The following GABRP variants were observed in gnomAD, a reference collection of about 807,000 sequenced individuals.
The protein encoded by GABRP is gamma-aminobutyric acid type A receptor subunit pi.
A neutral mutation model predicts 47.8 loss-of-function variants in GABRP; 52 were observed. The observed-to-expected ratio is 1.09, with a 90% CI of 0.87 to 1.37. GABRP has a LOEUF of 1.37. GABRP is among the 40% of genes most tolerant of loss of function. The probability of loss-of-function intolerance (pLI) is 0.00; values close to 1 mark genes in which losing one functional copy is unlikely to be tolerated. For synonymous variants in GABRP, 221 were observed against 205.8 expected (o/e 1.07, Z -0.63); for missense variants, 525 against 542.8 (o/e 0.97, Z 0.33).
At chr5:170,811,807 A>C in intron 9 of GABRP, 149 bp from the exon 10 acceptor site, 10 of 691,252 alleles carry the variant, frequency 1.4e-5, no homozygotes, top group East Asian at 2.7e-5. Context: ...AGCCTGGCTT[A>C]TTGGCCAATT....
chr5:170,791,161 T>C (rs545560616), intron 3 of GABRP, among the ~76,000 whole-genome samples: 1 of 152,310 alleles, frequency 6.6e-6, no homozygotes, highest in South Asian at 2.1e-4. Context: ...GCAGGGTCCT[T>C]GGGCAAGGAG....
Position 170,809,666 on chromosome 5 carries a change from G to A in GABRP, c.931G>A (p.Gly311Arg), listed in dbSNP as rs768736367. 5.0e-6 allele frequency: 8 copies of A among 1,614,102 alleles called. 1 individual carries two copies. Among genetic ancestry groups the A allele is most frequent in the Non-Finnish European group, 5.9e-6 (7 of 1,180,002 alleles). ...CATCAAGGCCATCGATGTGTACCTGGGGATCTGCTTTAGCTTTGTGTTTGG... is the reference window on the plus strand; with the variant it reads ...CATCAAGGCCATCGATGTGTACCTGAGGATCTGCTTTAGCTTTGTGTTTGG... ...CFIKAIDVYL[G>R]ICFSFVFGAL... The change falls in exon 9 of 10, where the codon GGG becomes AGG. Residue 311 changes from glycine (G) to arginine (R), a missense_variant. Transcript: ENST00000265294.
chr5:170,785,742 G>A (rs1292509154), intron 1 of GABRP, among the ~76,000 whole-genome samples: 1 of 152,200 alleles, frequency 6.6e-6, no homozygotes, highest in Non-Finnish European at 1.5e-5. Flanking sequence ...CCTATAGGAG[G>A]AGGAGGAAAT....
intron 1 of GABRP, among the ~76,000 whole-genome samples, chr5:170,786,022 C>T (rs911744119): frequency 2.0e-5 from 3 of 152,218 alleles, no homozygotes; most frequent in African/African-American, 7.2e-5. Flanking sequence ...CCAAATATCC[C>T]CTGTCCTCTG....
intron 4 of GABRP, 24 bp downstream of exon 4, chr5:170,794,322 T>C (rs765237198): frequency 1.4e-6 from 2 of 1,458,470 alleles, no homozygotes; most frequent in South Asian, 2.4e-5. Flanking sequence ...CTTTGTACTC[T>C]ACCCAAGTAG....
intron 6 of GABRP, among the ~76,000 whole-genome samples, chr5:170,802,455 C>A (rs966008136): frequency 2.6e-5 from 4 of 152,108 alleles, no homozygotes; most frequent in African/African-American, 9.7e-5. Flanking sequence ...ATTAAAGACC[C>A]AGAAAAACAG....
At chr5:170,805,290 T>C (rs1251221194) in intron 6 of GABRP, among the ~76,000 whole-genome samples, 1 of 152,150 alleles carries the variant, frequency 6.6e-6, no homozygotes, top group Non-Finnish European at 1.5e-5. Context: ...TTTGTTTTTG[T>C]TTTTGCATTT....
At chr5:170,790,337 A>G (rs1448987478) in intron 3 of GABRP, among the ~76,000 whole-genome samples, 1 of 152,062 alleles carries the variant, frequency 6.6e-6, no homozygotes, top group African/African-American at 2.4e-5. Flanking sequence ...ACATCCATCT[A>G]TCTCACAGGG....
chr5:170,784,056 A>T (rs1322711474), intron 1 of GABRP, among the ~76,000 whole-genome samples, 182 bp downstream of exon 1: 1 of 152,198 alleles, frequency 6.6e-6, no homozygotes, highest in African/African-American at 2.4e-5. Context: ...TGCTGTCCTC[A>T]CTACAGCCAC....
chr5:170,789,282 AG>A (rs1765203992), intron 3 of GABRP, 35 bp downstream of exon 3: 7 of 1,392,356 alleles, frequency 5.0e-6, no homozygotes, highest in Non-Finnish European at 7.1e-6. Flanking sequence ...CATCATTCAA[AG>A]GGACGAAAAC....
intron 3 of GABRP, among the ~76,000 whole-genome samples, chr5:170,790,834 G>A (rs115483416): frequency 8.1e-4 from 123 of 152,246 alleles, no homozygotes; most frequent in Middle Eastern, 3.4e-3. Flanking sequence ...GTGTGGCCTC[G>A]GAGCAAGTGT....
At chr5:170,798,674 A>G (rs1452488705) in intron 6 of GABRP, among the ~76,000 whole-genome samples, 3 of 152,138 alleles carry the variant, frequency 2.0e-5, no homozygotes, top group Non-Finnish European at 4.4e-5. Context: ...AGATATGAAA[A>G]AGGTCATGGA....
rs981530585 is a variant in GABRP, at chr5:170,813,758, C to T, written c.*1500C>T. The T allele has an allele frequency of 6.6e-6, 1 of 152,142 alleles. No homozygotes were observed. The highest frequency in any genetic ancestry group is 2.4e-5 in the African/African-American group (1 of 41,426). The allele number at this position is 152,142 out of a possible 1,614,324, so 9.4% of individuals were successfully genotyped here. A position where few individuals can be genotyped will look rare whatever the true frequency, so the allele number is the denominator to read the frequency against. On this transcript the variant is annotated 3_prime_UTR_variant, in exon 10 of 10. Transcript: ENST00000265294. ...AAGATGATTTCCCTTCTGTAACTCC[C>T]TAGAGCCACAGGTTCTCATTCCTTT...
chr5:170,797,592 G>A (rs761377602), intron 6 of GABRP, 44 bp downstream of exon 6: 5 of 1,200,016 alleles, frequency 4.2e-6, no homozygotes, highest in Non-Finnish European at 6.2e-6. Context: ...TTTCCTGGGT[G>A]ACTTAGGTGT....
At chr5:170,805,905 G>A in intron 7 of GABRP, 52 bp downstream of exon 7, 1 of 1,589,730 alleles carries the variant, frequency 6.3e-7, no homozygotes, top group Non-Finnish European at 8.6e-7. Context: ...CTGAGGTGTA[G>A]GGTTGCTCTC....
At chr5:170,794,375 C>CAAA (rs34296291) in intron 4 of GABRP, 77 bp downstream of exon 4, 101 of 260,064 alleles carry the variant, frequency 3.9e-4, no homozygotes, top group African/African-American at 1.8e-3. Context: ...TCTAGCCGCT[C>CAAA]AAAAAAAAAA....
intron 6 of GABRP, among the ~76,000 whole-genome samples, chr5:170,800,161 C>T (rs1765552201): frequency 6.6e-6 from 1 of 152,108 alleles, no homozygotes; most frequent in African/African-American, 2.4e-5. Flanking sequence ...CCAATGGAAC[C>T]AAAGAGAGCC....
At chr5:170,806,732 G>A (rs1765747297) in intron 7 of GABRP, among the ~76,000 whole-genome samples, 3 of 151,704 alleles carry the variant, frequency 2.0e-5, no homozygotes, top group Admixed American at 6.6e-5. Flanking sequence ...ATGAGCCACC[G>A]CGCCCGGCCT....
Position 170,811,911 on chromosome 5 carries a change from T to G in GABRP, c.1021-45T>G, listed in dbSNP as rs138089418. 6,363 of 1,546,808 alleles carry G rather than the reference T, an allele frequency of 4.1e-3. 17 individuals are homozygous for G. Among genetic ancestry groups the G allele is most frequent in the Non-Finnish European group, 5.0e-3 (5,616 of 1,131,198 alleles). On this transcript the variant is annotated intron_variant, in intron 9 of 9. Coordinates refer to ENST00000265294, the MANE Select transcript of GABRP (RefSeq NM_014211.3). ...TAGCTCATTACCTACTTATTTATTT[T>G]GCTGAGTCAAGTCTTTTAAGCTAAC... is the stretch of plus-strand genomic sequence containing the variant.
Sources: gnomAD v4.1 joint callset for allele counts (sites outside exome capture counted in the v4.1 genomes callset) on GRCh38, gnomAD v4.1.1 for gene constraint, MANE v1.5 for transcripts, NCBI Gene and HGNC (gene_info 2026-07-23, HGNC 2026-07-21) for gene names.